CERK: variants seen among roughly 807,000 people sequenced by gnomAD.
CERK encodes the protein acylsphingosine kinase.
CERK carries 39 observed loss-of-function variants against 63.4 expected under a neutral mutation model. The observed-to-expected ratio is 0.61, with a 90% confidence interval of 0.48 to 0.80. CERK has a LOEUF of 0.80. Among genes scored for constraint, CERK ranks in the 30% least tolerant of loss-of-function variants. The pLI is 0.00. For missense variants in CERK, 670 were observed against 714.1 expected (o/e 0.94, Z 0.70); for synonymous variants, 302 against 280.0 (o/e 1.08, Z -0.78).
At chr22:46,718,543 C>G (rs1456952438) in intron 3 of CERK, among the ~76,000 whole-genome samples, 1 of 152,102 alleles carries the variant, frequency 6.6e-6, no homozygotes, top group Admixed American at 6.6e-5. Flanking sequence ...GAGGCCAAGT[C>G]CCCCAGGATT....
chr22:46,704,906 A>G (rs1356282956), intron 6 of CERK, among the ~76,000 whole-genome samples: 1 of 152,220 alleles, frequency 6.6e-6, no homozygotes, highest in Non-Finnish European at 1.5e-5. Context: ...GGAAGTTTAC[A>G]AAAGCACACA....
At chr22:46,694,817 T>C (rs575441236) in intron 9 of CERK, among the ~76,000 whole-genome samples, 1 of 152,220 alleles carries the variant, frequency 6.6e-6, no homozygotes, top group Non-Finnish European at 1.5e-5. Flanking sequence ...CTGCCACCAG[T>C]GCCCTGCACA....
chr22:46,703,403 A>G (rs1406692218), intron 6 of CERK, among the ~76,000 whole-genome samples: 5 of 151,908 alleles, frequency 3.3e-5, no homozygotes, highest in African/African-American at 1.2e-4. Context: ...TGCACCTTCT[A>G]GCGGCTGGAA....
chr22:46,706,790 T>G (rs2082814882), intron 6 of CERK, among the ~76,000 whole-genome samples: 1 of 151,996 alleles, frequency 6.6e-6, no homozygotes, highest in Non-Finnish European at 1.5e-5. Context: ...CTAAAATGAG[T>G]CTTGATACTG....
rs1363949635 is a variant in CERK, at chr22:46,716,434, A to AC, written c.379+3651dup. ...CCGAACTCTTGACCTCAGGTGATCC[A>AC]CCCGCCTCGGCCTCCCAAAGTGCTA... On this transcript the variant is annotated intron_variant, in intron 3 of 12. Transcript: ENST00000216264. Among the ~76,000 whole-genome samples, 58 of 146,206 alleles carry AC rather than the reference A, an allele frequency of 4.0e-4. 1 individual carries two copies. The highest frequency in any genetic ancestry group is 1.3e-3 in the African/African-American group (53 of 39,416).
chr22:46,725,657 C>A (rs1569329616), intron 1 of CERK, among the ~76,000 whole-genome samples: 1 of 152,242 alleles, frequency 6.6e-6, no homozygotes, highest in Non-Finnish European at 1.5e-5. Context: ...TCGTGAGACA[C>A]CACAGTGACT....
intron 1 of CERK, 119 bp downstream of exon 1, chr22:46,737,887 AG>A: frequency 8.6e-6 from 4 of 465,756 alleles, no homozygotes; most frequent in Non-Finnish European, 1.1e-5. Context: ...CTGCGCTCCC[AG>A]GGCCCCCGGC....
chr22:46,716,264 C>T (rs2082865772), intron 3 of CERK, among the ~76,000 whole-genome samples: 1 of 150,878 alleles, frequency 6.6e-6, no homozygotes, highest in African/African-American at 2.4e-5. Context: ...GATCTCGACT[C>T]ACTGCAACCT....
chr22:46,711,209 G>T, intron 4 of CERK, 60 bp from the exon 5 acceptor site: 1 of 1,267,888 alleles, frequency 7.9e-7, no homozygotes, highest in Non-Finnish European at 1.2e-6. Context: ...TCACGTAAAA[G>T]GCAAATCATC....
intron 3 of CERK, among the ~76,000 whole-genome samples, chr22:46,717,920 CAAAT>C (rs1470734491): frequency 1.3e-5 from 2 of 152,094 alleles, no homozygotes; most frequent in Non-Finnish European, 2.9e-5. Flanking sequence ...GTCTCTACAA[CAAAT>C]ACAAAAATTA....
At chr22:46,702,223 ATGTGTGTGTGTGTGTGTGTG>A (rs34222392) in intron 6 of CERK, among the ~76,000 whole-genome samples, 6 of 84,782 alleles carry the variant, frequency 7.1e-5, no homozygotes, top group Non-Finnish European at 1.4e-4. Context: ...AAATATATAT[ATGTGTGTGTGTGTGTGTGTG>A]TGTGTGTGTG....
rs533656419 is a variant in CERK, at chr22:46,714,226, G to A, written c.380-1933C>T. 3.3e-5 allele frequency among the ~76,000 whole-genome samples: 5 copies of A among 152,294 alleles called. No individual in the cohort carries two copies. Among genetic ancestry groups the A allele is most frequent in the South Asian group, 2.1e-4 (1 of 4,828 alleles). On this transcript the variant is annotated intron_variant, in intron 3 of 12. Coordinates refer to ENST00000216264, the MANE Select transcript of CERK (RefSeq NM_022766.6). This position sits in a 1 kb window ranked among gnomAD's most constrained non-coding sequence, Gnocchi z 4.4. ...GTGGAGGTTGCAGTGAGCCAAGATC[G>A]CGCCATTGCACTCCAGCCTGGGTGA...
chr22:46,703,573 G>T (rs539067944), intron 6 of CERK, among the ~76,000 whole-genome samples: 1 of 152,120 alleles, frequency 6.6e-6, no homozygotes, highest in Non-Finnish European at 1.5e-5. Flanking sequence ...GGCCACCCTT[G>T]GGTGTCTCCC....
chr22:46,693,767 G>A (rs746949652), intron 9 of CERK: 4 of 417,644 alleles, frequency 9.6e-6, no homozygotes, highest in South Asian at 2.2e-5. Context: ...ACCTGGAGAC[G>A]GTTTCTGCCT....
At chr22:46,715,385 T>C (rs998956502) in intron 3 of CERK, among the ~76,000 whole-genome samples, 1 of 152,202 alleles carries the variant, frequency 6.6e-6, no homozygotes, top group African/African-American at 2.4e-5. Context: ...TAAGTGAAGT[T>C]TGCAAGGTCA....
At position 46,703,714 on chromosome 22, in the gene CERK, G is replaced by A. The variant is rs562722702; in HGVS notation, c.716-2004C>T. On this transcript the variant is annotated intron_variant, in intron 6 of 12. Coordinates refer to ENST00000216264, the MANE Select transcript of CERK (RefSeq NM_022766.6). ...TCCAAGCCACCAGCGTTCTCACCGG[G>A]GCCCACATGCTCTTAGGACCAAACG... 5.9e-5 allele frequency among the ~76,000 whole-genome samples: 9 copies of A among 152,250 alleles called. No individual in the cohort carries two copies. The South Asian group carries it at 1.7e-3, about 28-fold the overall frequency.
chr22:46,687,342 A>G (rs2082707655), intron 12 of CERK, 136 bp from the exon 13 acceptor site: 5 of 635,284 alleles, frequency 7.9e-6, no homozygotes, highest in Non-Finnish European at 1.4e-5. Flanking sequence ...CCGCTCTTGG[A>G]CAGGGGCTGA....
chr22:46,713,631 C>G (rs1008023151), intron 3 of CERK, among the ~76,000 whole-genome samples: 1 of 151,966 alleles, frequency 6.6e-6, no homozygotes, highest in African/African-American at 2.4e-5. Context: ...AAGAAGAAAT[C>G]GAGACGCAGT....
intron 3 of CERK, among the ~76,000 whole-genome samples, chr22:46,713,382 A>G (rs1266278311): frequency 6.6e-6 from 1 of 151,388 alleles, no homozygotes; most frequent in East Asian, 2.0e-4. Flanking sequence ...GGTGGCGGGC[A>G]CCTGTAGTCC....
Sources: allele counts gnomAD v4.1 joint callset (sites outside exome capture counted in the v4.1 genomes callset), GRCh38; gene constraint gnomAD v4.1.1; non-coding constraint Gnocchi (gnomAD v3.1); transcripts MANE v1.5; gene names NCBI Gene and HGNC (gene_info 2026-07-23, HGNC 2026-07-21).